The following NLGN1 variants were observed in gnomAD, a reference collection of about 807,000 sequenced individuals.
NLGN1 encodes neuroligin 1, also known as neuroligin-1.
In NLGN1, 12 loss-of-function variants were observed where a neutral mutation model predicts 65.5. That is an observed-to-expected ratio of 0.18 (90% confidence interval 0.12 to 0.30). The LOEUF (loss-of-function observed/expected upper bound fraction) is 0.30, where lower values mean the gene tolerates loss of function less well. NLGN1 is among the 10% of genes least tolerant of loss of function. NLGN1 has a pLI of 1.00. For missense variants in NLGN1, 750 were observed against 1,007.1 expected (o/e 0.74, Z 3.46); for synonymous variants, 350 against 359.5 (o/e 0.97, Z 0.30).
intron 4 of NLGN1, among the ~76,000 whole-genome samples, chr3:174,093,193 C>A (rs898271618): frequency 1.3e-5 from 2 of 152,106 alleles, no homozygotes; most frequent in Admixed American, 1.3e-4. Flanking sequence ...CAACACGGAA[C>A]CTTATTTTCA....
intron 4 of NLGN1, among the ~76,000 whole-genome samples, chr3:173,879,355 C>T (rs1732787228): frequency 1.3e-5 from 2 of 152,130 alleles, no homozygotes; most frequent in African/African-American, 2.4e-5. Context: ...TTCAAGTTCA[C>T]TGGGTCTAAT....
intron 4 of NLGN1, among the ~76,000 whole-genome samples, chr3:174,195,315 T>C (rs1346756670): frequency 1.3e-5 from 2 of 152,184 alleles, no homozygotes; most frequent in African/African-American, 4.8e-5. Flanking sequence ...TTTTAGAAAA[T>C]TGAATCTTTG....
Position 174,039,048 on chromosome 3 carries a change from A to G in NLGN1, c.646+231216A>G, listed in dbSNP as rs143009901. 5.5e-3 allele frequency among the ~76,000 whole-genome samples: 830 copies of G among 152,282 alleles called. 11 individuals are homozygous for G. The highest frequency in any genetic ancestry group is 0.019 in the African/African-American group (798 of 41,566). ...GAGCATCAAAAATTGCTCATTGAAT[A>G]TAAAAGCAATTCGCTTAGCGAGCTC... On this transcript the variant is annotated intron_variant, in intron 4 of 6. Transcript: ENST00000457714.
At chr3:174,266,234 G>A in intron 4 of NLGN1, among the ~76,000 whole-genome samples, 1 of 151,816 alleles carries the variant, frequency 6.6e-6, no homozygotes, top group East Asian at 1.9e-4. Context: ...GTAGGCCCTG[G>A]TGTCTATAGT....
rs148382284 is a variant in NLGN1 at position 173,643,412 on chromosome 3, CAT to C, written c.493+38325_493+38326del. Among the ~76,000 whole-genome samples the C allele has an allele frequency of 6.4e-3, 972 of 152,104 alleles. 17 individuals are homozygous for C. The highest frequency in any genetic ancestry group is 0.022 in the African/African-American group (931 of 41,492). ...TGCTTGAAAATAATGGTAATAAGAG[CAT>C]ATAAAAATCATCTGAGAAGGAAAAT... is the stretch of plus-strand genomic sequence containing the variant. On this transcript the variant is annotated intron_variant, in intron 3 of 6. Coordinates refer to ENST00000457714, the Ensembl canonical transcript of NLGN1.
chr3:173,605,063 T>C (rs1751160718), exon 3 of NLGN1: 2 of 1,612,506 alleles, frequency 1.2e-6, no homozygotes, highest in Non-Finnish European at 1.7e-6. Context: ...ACTGCCTATA[T>C]TTAAATATAT....
At chr3:173,598,268 A>G (rs554838264) in intron 2 of NLGN1, among the ~76,000 whole-genome samples, 113 of 152,204 alleles carry the variant, frequency 7.4e-4, no homozygotes, top group Non-Finnish European at 1.3e-3. Flanking sequence ...CTACAGACCA[A>G]TCTACCTTCC....
chr3:173,942,045 T>C (rs1196130753), intron 4 of NLGN1, among the ~76,000 whole-genome samples: 1 of 151,652 alleles, frequency 6.6e-6, no homozygotes, highest in Admixed American at 6.6e-5. Flanking sequence ...TATTTACTGC[T>C]AAGTTCTTGT....
At chr3:174,052,299 C>T (rs938404445) in intron 4 of NLGN1, among the ~76,000 whole-genome samples, 4 of 151,862 alleles carry the variant, frequency 2.6e-5, no homozygotes, top group African/African-American at 9.7e-5. Flanking sequence ...ATTTGGGGCC[C>T]TTTTGATAGC....
intron 2 of NLGN1, among the ~76,000 whole-genome samples, chr3:173,563,613 T>C (rs572696775): frequency 6.6e-6 from 1 of 152,352 alleles, no homozygotes; most frequent in African/African-American, 2.4e-5. Flanking sequence ...TACATTTTAC[T>C]GACATCTTTA....
At chr3:173,520,331 A>G (rs1373591556) in intron 2 of NLGN1, among the ~76,000 whole-genome samples, 1 of 152,218 alleles carries the variant, frequency 6.6e-6, no homozygotes, top group Non-Finnish European at 1.5e-5. Flanking sequence ...CCAATATAAC[A>G]GGAGTAGATG....
intron 4 of NLGN1, among the ~76,000 whole-genome samples, chr3:173,987,314 C>T (rs1309756150): frequency 6.6e-6 from 1 of 152,128 alleles, no homozygotes; most frequent in African/African-American, 2.4e-5. Context: ...GATGTTATTT[C>T]AAATTCACTT....
intron 2 of NLGN1, among the ~76,000 whole-genome samples, chr3:173,522,784 C>T (rs1039679517): frequency 6.6e-6 from 1 of 152,052 alleles, no homozygotes; most frequent in African/African-American, 2.4e-5. Flanking sequence ...GGTAGATACG[C>T]AGTAGTGGGA....
chr3:173,406,551 A>G (rs1718713724), intron 1 of NLGN1, among the ~76,000 whole-genome samples: 1 of 148,372 alleles, frequency 6.7e-6, no homozygotes, highest in East Asian at 1.9e-4. Flanking sequence ...ATATATATGA[A>G]TATATATTCA....
At chr3:173,759,450 C>G (rs1777626639) in intron 3 of NLGN1, among the ~76,000 whole-genome samples, 1 of 151,960 alleles carries the variant, frequency 6.6e-6, no homozygotes, top group Non-Finnish European at 1.5e-5. Context: ...GATTTAATCT[C>G]TATGGGAGTG....
intron 3 of NLGN1, among the ~76,000 whole-genome samples, chr3:173,691,882 G>A (rs1335670922): frequency 6.6e-6 from 1 of 152,038 alleles, no homozygotes; most frequent in African/African-American, 2.4e-5. Flanking sequence ...TATGGGTGGT[G>A]ACTGAGAATA....
chr3:174,117,608 A>G (rs1215122751), intron 4 of NLGN1, among the ~76,000 whole-genome samples: 1 of 125,978 alleles, frequency 7.9e-6, no homozygotes, highest in Non-Finnish European at 1.7e-5. Flanking sequence ...GCAATAGAGA[A>G]AAAAAAAAAA....
chr3:173,601,193 G>A (rs1750479821), intron 2 of NLGN1, among the ~76,000 whole-genome samples: 1 of 151,944 alleles, frequency 6.6e-6, no homozygotes, highest in Non-Finnish European at 1.5e-5. Context: ...GGTCTACTGA[G>A]TAAGATTTTC....
chr3:173,415,420 A>G (rs1713474276), intron 1 of NLGN1, among the ~76,000 whole-genome samples: 2 of 152,204 alleles, frequency 1.3e-5, no homozygotes, highest in Admixed American at 6.5e-5. Context: ...TATGAAGACA[A>G]ATCTCTCCCG....
Sources: allele counts gnomAD v4.1 joint callset (sites outside exome capture counted in the v4.1 genomes callset), GRCh38; gene constraint gnomAD v4.1.1; transcripts MANE v1.5; gene names NCBI Gene and HGNC (gene_info 2026-07-23, HGNC 2026-07-21).